UGT1A9: variants seen among roughly 807,000 people sequenced by gnomAD.
The protein encoded by UGT1A9 is UDP glucuronosyltransferase family 1 member A9, also known as UDP-glucuronosyltransferase 1A9.
UGT1A9 carries 35 observed loss-of-function variants against 45.0 expected under a neutral mutation model. That is an observed-to-expected ratio of 0.78 (90% CI 0.59 to 1.03). The LOEUF (loss-of-function observed/expected upper bound fraction) is 1.03, where lower values mean the gene tolerates loss of function less well. UGT1A9 is among the 50% of genes least tolerant of loss of function. The pLI, the probability that UGT1A9 is intolerant of heterozygous loss-of-function variation, is 0.00. For missense variants in UGT1A9, 687 were observed against 666.6 expected, an observed-to-expected ratio of 1.03 and a Z score of -0.34; for synonymous variants, 278 against 250.6, an observed-to-expected ratio of 1.11 and a Z score of -1.03.
intron 1 of UGT1A9, among the ~76,000 whole-genome samples, chr2:233,735,224 A>T (rs953132895): frequency 1.3e-5 from 2 of 152,126 alleles, no homozygotes; most frequent in African/African-American, 4.8e-5. Context: ...TATATTTAGG[A>T]TAGTTAGCTC....
chr2:233,725,079 C>A lies in UGT1A9; in HGVS notation c.856-41955C>A, dbSNP rs370992455. ...GCGCGCGCCTGCAATCGCAGGCACT[C>A]GGCAGGCTGAGGCAGGAGAATCAGG... On this transcript the variant is annotated intron_variant, in intron 1 of 4. Transcript: ENST00000354728. 3.5e-5 allele frequency among the ~76,000 whole-genome samples: 5 copies of A among 144,208 alleles called. 1 individual carries two copies. Among genetic ancestry groups the A allele is most frequent in the Admixed American group, 7.0e-5 (1 of 14,340 alleles). 94.6% of individuals were successfully genotyped at this position (144,208 alleles called of 152,430 possible).
At position 233,768,234 on chromosome 2, in the gene UGT1A9, C is replaced by T. The variant is rs55750087; in HGVS notation, c.1090C>T (p.Arg364Cys). 85 of 1,614,044 alleles carry T rather than the reference C, an allele frequency of 5.3e-5. No homozygotes were observed. The highest frequency in any genetic ancestry group is 3.3e-4 in the Middle Eastern group (2 of 6,084). Residue 364 changes from arginine to cysteine, a missense_variant, in exon 4 of 5, where the codon CGT becomes TGT. Arg to Cys is a radical substitution (Grantham distance 180). Transcript: ENST00000354728. Reference sequence around the variant, plus strand: ...TTGCATCTCAGGTCACCCGATGACCCGTGCCTTTATCACCCATGCTGGTTC... The same window carrying T: ...TTGCATCTCAGGTCACCCGATGACCTGTGCCTTTATCACCCATGCTGGTTC... ...QNDLLGHPMT[R>C]AFITHAGSHG...
intron 1 of UGT1A9, among the ~76,000 whole-genome samples, chr2:233,694,225 A>T (rs1242026772): frequency 6.6e-6 from 1 of 152,116 alleles, no homozygotes; most frequent in African/African-American, 2.4e-5. Context: ...ACTCTGTCCC[A>T]TGCTTTGTCT....
chr2:233,755,243 TC>T (rs1695828165), intron 1 of UGT1A9: 10 of 851,914 alleles, frequency 1.2e-5, no homozygotes. Flanking sequence ...ACCGGGGTAC[TC>T]CCAGCACCTC....
chr2:233,765,502 A>G (rs1698851224), intron 1 of UGT1A9, among the ~76,000 whole-genome samples: 1 of 152,194 alleles, frequency 6.6e-6, no homozygotes, highest in Non-Finnish European at 1.5e-5. Flanking sequence ...AAACTAACAC[A>G]GGAACAGAAA....
At chr2:233,716,635 G>A (rs977802865) in intron 1 of UGT1A9, among the ~76,000 whole-genome samples, 5 of 151,972 alleles carry the variant, frequency 3.3e-5, no homozygotes, top group African/African-American at 4.8e-5. Context: ...AGTTTTTATC[G>A]TTTGTACTTT....
intron 1 of UGT1A9, among the ~76,000 whole-genome samples, chr2:233,736,696 G>T (rs2078794869): frequency 6.6e-6 from 1 of 152,182 alleles, no homozygotes. Flanking sequence ...TACAGATGGG[G>T]TTTTGGTGTA....
At chr2:233,690,540 C>G (rs1233166297) in intron 1 of UGT1A9, 1 of 1,289,760 alleles carries the variant, frequency 7.8e-7, no homozygotes, top group East Asian at 5.6e-5. Flanking sequence ...TTTCACCCCA[C>G]TGGAATATGT....
At chr2:233,707,372 C>T (rs913924514) in intron 1 of UGT1A9, among the ~76,000 whole-genome samples, 1 of 152,014 alleles carries the variant, frequency 6.6e-6, no homozygotes, top group Non-Finnish European at 1.5e-5. Flanking sequence ...AGGTATTAAG[C>T]TCAGCATCCA....
chr2:233,714,744 A>G (rs988527587), intron 1 of UGT1A9, among the ~76,000 whole-genome samples: 3 of 152,232 alleles, frequency 2.0e-5, no homozygotes, highest in Non-Finnish European at 4.4e-5. Flanking sequence ...AATCTAGCAT[A>G]TATTTGACAC....
chr2:233,764,353 C>G (rs556692571), intron 1 of UGT1A9, among the ~76,000 whole-genome samples: 23 of 152,240 alleles, frequency 1.5e-4, no homozygotes, highest in Non-Finnish European at 2.8e-4. Flanking sequence ...CTTTATTGAG[C>G]CTCATAGTAG....
At chr2:233,681,838 C>T (rs1406886700) in intron 1 of UGT1A9, 1 of 1,515,864 alleles carries the variant, frequency 6.6e-7, no homozygotes, top group African/African-American at 1.4e-5. Flanking sequence ...TGAATAAGTA[C>T]ACGCCTTCTT....
chr2:233,724,357 C>G (rs1187389478), intron 1 of UGT1A9, among the ~76,000 whole-genome samples: 134 of 144,268 alleles, frequency 9.3e-4, no homozygotes, highest in African/African-American at 3.3e-3. Context: ...CCACCTCCCT[C>G]CCGGACGGGG....
intron 1 of UGT1A9, among the ~76,000 whole-genome samples, chr2:233,736,379 C>T (rs2078756345): frequency 6.6e-6 from 1 of 152,164 alleles, no homozygotes; most frequent in African/African-American, 2.4e-5. Context: ...TTAAGGTCTT[C>T]TCTACAGTGT....
chr2:233,738,483 T>C (rs1690800032), intron 1 of UGT1A9, among the ~76,000 whole-genome samples: 1 of 152,200 alleles, frequency 6.6e-6, no homozygotes, highest in African/African-American at 2.4e-5. Flanking sequence ...CCTGGAGACT[T>C]GTTGAACGGT....
At chr2:233,679,021 C>T (rs975466167) in intron 1 of UGT1A9, among the ~76,000 whole-genome samples, 4 of 152,166 alleles carry the variant, frequency 2.6e-5, no homozygotes, top group African/African-American at 9.7e-5. Flanking sequence ...GTGGTGTAAT[C>T]CTTCTGGACT....
intron 1 of UGT1A9, among the ~76,000 whole-genome samples, chr2:233,703,376 G>A (rs1195838939): frequency 2.0e-5 from 3 of 151,480 alleles, no homozygotes; most frequent in African/African-American, 4.9e-5. Context: ...TATCAATTTT[G>A]TCTATATTTT....
chr2:233,679,201 T>C (rs77070100), intron 1 of UGT1A9, among the ~76,000 whole-genome samples: 57,711 of 151,650 alleles, frequency 0.38, 11,273 homozygotes, highest in African/African-American at 0.45. Flanking sequence ...GTGTTGAACT[T>C]GTGGGTTCTG....
Position 233,682,166 on chromosome 2 carries a change from T to TAC in UGT1A9, c.855+9378_855+9379dup, listed in dbSNP as rs1421216272. 4 of 1,614,206 alleles carry TAC rather than the reference T, an allele frequency of 2.5e-6. No individual in the cohort carries two copies. The East Asian group carries it at 8.9e-5, about 36-fold the overall frequency. ...ATCACTGAATTGCACAGTGAAGACT[T>TAC]ACTCAACCTCATACACTCTGGAGGA... is the stretch of plus-strand genomic sequence containing the variant. On this transcript the variant is annotated intron_variant, in intron 1 of 4. Transcript: ENST00000354728.
Sources: allele counts gnomAD v4.1 joint callset (sites outside exome capture counted in the v4.1 genomes callset), GRCh38; gene constraint gnomAD v4.1.1; transcripts MANE v1.5; gene names NCBI Gene and HGNC (gene_info 2026-07-23, HGNC 2026-07-21).